The following DOCK7 variants were observed in gnomAD, a reference collection of about 807,000 sequenced individuals.
DOCK7 encodes dedicator of cytokinesis protein 7.
Under a neutral mutation model 271.0 loss-of-function variants are expected in DOCK7, and 138 were observed. The ratio of observed to expected loss-of-function variants is 0.51; its 90% CI spans 0.44 to 0.59. The LOEUF is 0.59. Among genes scored for constraint, DOCK7 ranks in the 20% least tolerant of loss-of-function variants. DOCK7 has a pLI of 0.00. For missense variants in DOCK7, 2,066 were observed against 2,592.4 expected, an observed-to-expected ratio of 0.80 and a Z score of 4.41; for synonymous variants, 823 against 876.1, an observed-to-expected ratio of 0.94 and a Z score of 1.07.
At chr1:62,504,821 A>C in intron 36 of DOCK7, 39 bp from the exon 37 acceptor site, 1 of 1,600,442 alleles carries the variant, frequency 6.2e-7, no homozygotes, top group Non-Finnish European at 8.5e-7. Flanking sequence ...GAATTTTTAC[A>C]GTAAAAGTTT....
chr1:62,459,683 C>T (rs1427928222), intron 48 of DOCK7, among the ~76,000 whole-genome samples: 2 of 151,900 alleles, frequency 1.3e-5, no homozygotes, highest in Admixed American at 1.3e-4. Flanking sequence ...GGCAATAATC[C>T]TAAAATAATC....
In DOCK7 at chr1:62,488,982, G is replaced by A. The variant is rs1571266544; in HGVS notation, c.5445C>T (p.Ser1815=). Residue 1815 remains serine, a synonymous_variant, in exon 42 of 50, where the codon TCC becomes TCT. Coordinates refer to ENST00000635253, the MANE Select transcript of DOCK7 (RefSeq NM_001367561.1). ...CTTCTTGAAGTTTACCATGAATTGT[G>A]GATAGTTTCTTTGCATCCCGATTAG... ...HEANRDAKKL[S]TIHGKLQEAF... The A allele has an allele frequency of 1.2e-6, 2 of 1,613,230 alleles. No individual in the cohort carries two copies. The highest frequency in any genetic ancestry group is 1.7e-6 in the Non-Finnish European group (2 of 1,179,694).
intron 18 of DOCK7, among the ~76,000 whole-genome samples, chr1:62,573,895 A>G (rs963604690): frequency 1.3e-5 from 2 of 152,096 alleles, no homozygotes; most frequent in Non-Finnish European, 2.9e-5. Context: ...CTTCCAAAGC[A>G]CTGGGATTAT....
At chr1:62,611,561 C>T (rs966301049) in intron 14 of DOCK7, among the ~76,000 whole-genome samples, 11 of 152,222 alleles carry the variant, frequency 7.2e-5, no homozygotes, top group Middle Eastern at 3.4e-3. Context: ...ATTCACAAGA[C>T]GACCACAAGG....
intron 1 of DOCK7, among the ~76,000 whole-genome samples, chr1:62,684,142 G>A (rs918014425): frequency 6.6e-6 from 1 of 151,896 alleles, no homozygotes; most frequent in Non-Finnish European, 1.5e-5. Context: ...CCGGGGCAGT[G>A]GGGTGGAGGT....
In DOCK7 at chr1:62,467,109, A is replaced by G. The variant is rs78356780; in HGVS notation, c.6212+6873T>C. On this transcript the variant is annotated intron_variant, in intron 48 of 49. Coordinates refer to ENST00000635253, the MANE Select transcript of DOCK7 (RefSeq NM_001367561.1). ...AGAGAACTCTGTTAAGGAGAACATC[A>G]CAAGTCTGGAAGGATTATACCATTG... 7.2e-5 allele frequency among the ~76,000 whole-genome samples: 11 copies of G among 152,324 alleles called. No homozygotes were observed. In the East Asian group the frequency reaches 1.9e-3, roughly 27 times the overall value.
intron 43 of DOCK7, chr1:62,483,226 T>A (rs1646189654): frequency 1.5e-5 from 2 of 134,344 alleles, no homozygotes; most frequent in Non-Finnish European, 3.1e-5. Context: ...AGAGATGAGA[T>A]CTCAGTGTTG....
chr1:62,505,934 A>G (rs1646924131), intron 35 of DOCK7, 118 bp from the exon 36 acceptor site: 1 of 997,390 alleles, frequency 1.0e-6, no homozygotes, highest in Non-Finnish European at 1.4e-6. Context: ...AAGTTTTAAA[A>G]GATAAAAAAA....
At chr1:62,622,879 G>C (rs1227315561) in intron 12 of DOCK7, among the ~76,000 whole-genome samples, 2 of 152,060 alleles carry the variant, frequency 1.3e-5, no homozygotes, top group South Asian at 4.1e-4. Flanking sequence ...ACAGTGAGCC[G>C]AGACTGTGCC....
rs1646890420 is a variant in DOCK7, at chr1:62,504,748, T to C, written c.4646A>G (p.Gln1549Arg). Residue 1549 changes from glutamine to arginine, a missense_variant, in exon 37 of 50, where the codon CAG becomes CGG. Around this residue, in one of 2 missense-constraint regions of DOCK7, gnomAD observed 652 missense variants for 922.1 expected, o/e 0.71. Transcript: ENST00000635253. Reference sequence around the variant, plus strand: ...AAGCCTGAGGCATAAATCAGCACACTGCTCTGTCTCTTCTTCAAATAAGAG... The same window carrying C: ...AAGCCTGAGGCATAAATCAGCACACCGCTCTGTCTCTTCTTCAAATAAGAG... ...PELLFEEETE[Q>R]CADLCLRLLR... The C allele has an allele frequency of 6.2e-7, 1 of 1,614,108 alleles. No homozygotes were observed. Among genetic ancestry groups the C allele is most frequent in the South Asian group, 1.1e-5 (1 of 91,070 alleles).
At position 62,545,026 on chromosome 1, in the gene DOCK7, G is replaced by A; in HGVS notation, c.2780C>T (p.Ser927Phe). 1 of 1,549,590 alleles carries A rather than the reference G, an allele frequency of 6.5e-7. No homozygotes were observed. Among genetic ancestry groups the A allele is most frequent in the Non-Finnish European group, 8.7e-7 (1 of 1,146,334 alleles). ...SIIGSKGLDR[S>F]NSWVNTGGPK... ...ACCACCAGTGTTAACCCAGGAATTG[G>A]AGCGATCTAAACCCTAAGCATATAA... Residue 927 changes from serine to phenylalanine, a missense_variant, in exon 23 of 50, where the codon TCC becomes TTC. Coordinates refer to ENST00000635253, the MANE Select transcript of DOCK7 (RefSeq NM_001367561.1).
intron 14 of DOCK7, among the ~76,000 whole-genome samples, chr1:62,590,719 G>T (rs1412713274): frequency 6.6e-6 from 1 of 152,114 alleles, no homozygotes; most frequent in Non-Finnish European, 1.5e-5. Flanking sequence ...CACACATGCA[G>T]CCAACAAGCA....
chr1:62,601,865 AC>A, intron 14 of DOCK7: 1 of 1,607,472 alleles, frequency 6.2e-7, no homozygotes, highest in Non-Finnish European at 8.5e-7. Flanking sequence ...TTTCATGTCT[AC>A]TGTGATGTTA....
intron 16 of DOCK7, among the ~76,000 whole-genome samples, chr1:62,582,512 T>C (rs1383181015): frequency 8.8e-6 from 1 of 113,962 alleles, no homozygotes; most frequent in Non-Finnish European, 1.6e-5. Context: ...ATCCCGCCAC[T>C]GCACTCCAGC....
intron 10 of DOCK7, 129 bp downstream of exon 10, chr1:62,633,369 T>C: frequency 1.5e-6 from 1 of 674,008 alleles, no homozygotes; most frequent in Non-Finnish European, 2.5e-6. Context: ...CTAGTAAAAT[T>C]CCTTAATATG....
At chr1:62,564,294 T>C (rs1390719785) in intron 18 of DOCK7, among the ~76,000 whole-genome samples, 1 of 152,122 alleles carries the variant, frequency 6.6e-6, no homozygotes, top group Non-Finnish European at 1.5e-5. Flanking sequence ...ACACTTATTC[T>C]AAAATTGACC....
At chr1:62,510,943 T>TGA (rs1325905954) in intron 33 of DOCK7, 8 of 349,974 alleles carry the variant, frequency 2.3e-5, no homozygotes, top group Non-Finnish European at 4.2e-5. Context: ...GCTTAAAATC[T>TGA]TAACCATGGC....
intron 33 of DOCK7, among the ~76,000 whole-genome samples, chr1:62,512,230 CAAAT>C (rs1332875466): frequency 2.6e-5 from 4 of 152,150 alleles, no homozygotes; most frequent in Non-Finnish European, 5.9e-5. Flanking sequence ...TTTAAGTCAA[CAAAT>C]AAATATTGTG....
intron 14 of DOCK7, among the ~76,000 whole-genome samples, chr1:62,606,349 A>C (rs1395465185): frequency 6.6e-6 from 1 of 150,936 alleles, no homozygotes; most frequent in East Asian, 1.9e-4. Context: ...GACATGTTTC[A>C]TTTTGTTCCT....
Sources: allele counts gnomAD v4.1 joint callset (sites outside exome capture counted in the v4.1 genomes callset), GRCh38; gene constraint gnomAD v4.1.1; regional missense constraint gnomAD v4.1.1; transcripts MANE v1.5; gene names NCBI Gene and HGNC (gene_info 2026-07-23, HGNC 2026-07-21).